Variants in SEC24B observed in about 807,000 individuals in gnomAD.
SEC24B encodes the protein SEC24 homolog B, COPII component.
In SEC24B, 45 loss-of-function variants were observed where a neutral mutation model predicts 142.8. The ratio of observed to expected loss-of-function variants is 0.32; its 90% CI spans 0.25 to 0.40. The LOEUF is 0.40. SEC24B is among the 10% of genes least tolerant of loss of function. The pLI is 1.00. For synonymous variants in SEC24B, 574 were observed against 568.2 expected (o/e 1.01, Z -0.15); for missense variants, 1,409 against 1,526.8 (o/e 0.92, Z 1.29).
intron 1 of SEC24B, among the ~76,000 whole-genome samples, chr4:109,435,820 A>C (rs762706197): frequency 6.6e-6 from 1 of 152,154 alleles, no homozygotes; most frequent in Non-Finnish European, 1.5e-5. Context: ...CTCTCTCCTG[A>C]CTTGCCCTGT....
chr4:109,492,828 T>C (rs1160476971), intron 5 of SEC24B, among the ~76,000 whole-genome samples: 1 of 152,028 alleles, frequency 6.6e-6, no homozygotes, highest in East Asian at 1.9e-4. Context: ...CATCCTCCCT[T>C]TTCAGCCTCC....
intron 4 of SEC24B, among the ~76,000 whole-genome samples, chr4:109,483,008 T>C (rs1322430423): frequency 1.6e-4 from 13 of 82,854 alleles, no homozygotes; most frequent in South Asian, 3.9e-4. Flanking sequence ...ACACACATAT[T>C]ATACATATGT....
intron 6 of SEC24B, among the ~76,000 whole-genome samples, chr4:109,495,283 A>G (rs1735422151): frequency 2.0e-5 from 3 of 152,226 alleles, no homozygotes; most frequent in African/African-American, 2.4e-5. Context: ...GAAGAACTTT[A>G]TGACACATAA....
chr4:109,435,012 T>A (rs1728270159), intron 1 of SEC24B, among the ~76,000 whole-genome samples: 1 of 152,242 alleles, frequency 6.6e-6, no homozygotes, highest in Non-Finnish European at 1.5e-5. Context: ...TGACTGAATT[T>A]AGAAAAATAC....
intron 1 of SEC24B, among the ~76,000 whole-genome samples, chr4:109,449,689 G>T (rs943662379): frequency 6.6e-6 from 1 of 151,860 alleles, no homozygotes. Flanking sequence ...TTTTATAAGG[G>T]CACTCCTTCT....
At chr4:109,480,012 T>C (rs187923467) in intron 3 of SEC24B, among the ~76,000 whole-genome samples, 5 of 152,282 alleles carry the variant, frequency 3.3e-5, no homozygotes, top group Admixed American at 3.3e-4. Context: ...TTTATTTTAT[T>C]TACATCGATT....
At chr4:109,513,625 G>A (rs1255158625) in intron 9 of SEC24B, 122 bp from the exon 10 acceptor site, 1 of 621,768 alleles carries the variant, frequency 1.6e-6, no homozygotes, top group African/African-American at 1.9e-5. Context: ...ACCATTAAAT[G>A]TTCGCAGAAC....
Position 109,478,173 on chromosome 4 carries a change from C to T in SEC24B, c.1061-3504C>T, listed in dbSNP as rs142920463. ...TGATGGCACAGGCCTGTAATCCCAG[C>T]TACTCAGGAGGCTGAGGCAGGAGAA... On this transcript the variant is annotated intron_variant, in intron 3 of 23. Coordinates refer to ENST00000265175, the MANE Select transcript of SEC24B (RefSeq NM_006323.5). Among the ~76,000 whole-genome samples the T allele has an allele frequency of 4.6e-3, 699 of 152,064 alleles. 4 individuals carry two copies. The highest frequency in any genetic ancestry group is 8.1e-3 in the Non-Finnish European group (553 of 67,988).
chr4:109,477,410 C>T (rs1403569283), intron 3 of SEC24B, among the ~76,000 whole-genome samples: 2 of 151,936 alleles, frequency 1.3e-5, no homozygotes, highest in Non-Finnish European at 2.9e-5. Flanking sequence ...CCCTTGAGAC[C>T]ACTGGGGCTC....
intron 1 of SEC24B, among the ~76,000 whole-genome samples, chr4:109,434,220 C>G (rs992819427): frequency 2.6e-5 from 4 of 151,320 alleles, no homozygotes; most frequent in Non-Finnish European, 5.9e-5. Context: ...GTGGGACGCC[C>G]CTGGCGTGGG....
At position 109,487,236 on chromosome 4, in the gene SEC24B, A is replaced by G. The variant is rs72898710; in HGVS notation, c.1166-4091A>G. On this transcript the variant is annotated intron_variant, in intron 4 of 23. Coordinates refer to ENST00000265175, the MANE Select transcript of SEC24B (RefSeq NM_006323.5). ...AATGTGCTCCTGCATAGAAGAGGAA[A>G]TGATTTTCTGTGGGCATACAGGAAA... Among the ~76,000 whole-genome samples, 1,172 of 152,238 alleles carry G rather than the reference A, an allele frequency of 7.7e-3. 15 individuals carry two copies. The highest frequency in any genetic ancestry group is 0.027 in the African/African-American group (1,111 of 41,530).
At chr4:109,532,108 C>T (rs980082686) in intron 20 of SEC24B, among the ~76,000 whole-genome samples, 2 of 152,134 alleles carry the variant, frequency 1.3e-5, no homozygotes, top group East Asian at 1.9e-4. Context: ...CTGCCCATCT[C>T]GGCTTCCCAA....
intron 21 of SEC24B, 31 bp downstream of exon 21, chr4:109,532,774 C>G: frequency 1.8e-6 from 2 of 1,102,388 alleles, no homozygotes; most frequent in South Asian, 1.3e-5. Flanking sequence ...AAGCTTAACA[C>G]TGTTTGAGCT....
chr4:109,472,002 C>T (rs1323401038), intron 2 of SEC24B, among the ~76,000 whole-genome samples: 1 of 152,136 alleles, frequency 6.6e-6, no homozygotes, highest in East Asian at 1.9e-4. Context: ...GTTTGTCTTC[C>T]TACTAAAAAT....
At chr4:109,538,379 G>A in intron 22 of SEC24B, 114 bp from the exon 23 acceptor site, 1 of 651,998 alleles carries the variant, frequency 1.5e-6, no homozygotes, top group Middle Eastern at 2.6e-4. Flanking sequence ...CTGCTGTTGA[G>A]GCTAAGAAAT....
chr4:109,523,048 T>A (rs994485897), intron 14 of SEC24B, among the ~76,000 whole-genome samples: 28 of 151,906 alleles, frequency 1.8e-4, no homozygotes, highest in Middle Eastern at 3.4e-3. Flanking sequence ...ATTTTTTTTT[T>A]AAAAAAGGGC....
intron 2 of SEC24B, among the ~76,000 whole-genome samples, chr4:109,464,516 G>T (rs1366278601): frequency 6.6e-6 from 1 of 152,086 alleles, no homozygotes; most frequent in East Asian, 1.9e-4. Context: ...TACTGTGCCT[G>T]GCCCAATGTG....
Position 109,511,378 on chromosome 4 carries a change from A to T in SEC24B, c.1777-579A>T, listed in dbSNP as rs116241195. Among the ~76,000 whole-genome samples, 986 of 152,342 alleles carry T rather than the reference A, an allele frequency of 6.5e-3. 12 individuals carry two copies. Among genetic ancestry groups the T allele is most frequent in the African/African-American group, 0.023 (937 of 41,588 alleles). On this transcript the variant is annotated intron_variant, in intron 8 of 23. Coordinates refer to ENST00000265175, the MANE Select transcript of SEC24B (RefSeq NM_006323.5). The stretch of plus-strand genomic sequence containing the variant: ...AAGATCAAAATGTTCATGTGCAGAT[A>T]GAAAAAAACAGAATGATATACTAAA...
chr4:109,439,023 T>G (rs962074649), intron 1 of SEC24B, among the ~76,000 whole-genome samples: 1 of 152,202 alleles, frequency 6.6e-6, no homozygotes, highest in African/African-American at 2.4e-5. Flanking sequence ...GCAGTCAGAT[T>G]TAATAATAAG....
Sources: gnomAD v4.1 joint callset for allele counts (sites outside exome capture counted in the v4.1 genomes callset) on GRCh38, gnomAD v4.1.1 for gene constraint, MANE v1.5 for transcripts, NCBI Gene and HGNC (gene_info 2026-07-23, HGNC 2026-07-21) for gene names.